RAI14: variants seen among roughly 807,000 people sequenced by gnomAD.
RAI14 encodes retinoic acid induced 14.
In RAI14, 45 loss-of-function variants were observed where a neutral mutation model predicts 115.4. The observed-to-expected ratio is 0.39, with a 90% confidence interval of 0.31 to 0.50. RAI14 has a LOEUF of 0.50. Among genes scored for constraint, RAI14 ranks in the 20% least tolerant of loss-of-function variants. RAI14 has a pLI of 0.85. For missense variants in RAI14, 939 were observed against 1,131.2 expected (o/e 0.83, Z 2.44); for synonymous variants, 371 against 415.4 (o/e 0.89, Z 1.30).
chr5:34,752,733 G>A (rs1210943713), intron 2 of RAI14, among the ~76,000 whole-genome samples: 16,455 of 99,394 alleles, frequency 0.17, 2,517 homozygotes, highest in African/African-American at 0.35. Flanking sequence ...GTGTGTGTGT[G>A]TGTGTGTGTG....
Position 34,823,489 on chromosome 5 carries a change from T to C in RAI14, c.1647T>C (p.Asn549=). The part of the protein sequence containing the change: ...LQNALEESER[N]KEKVRELEEK... ...ATGCATTAGAAGAAAGTGAAAGAAA[T>C]AAAGAGAAAGTGAGAGAGTTAGAGG... Residue 549 remains asparagine (N), a synonymous_variant, in exon 15 of 18, where the codon AAT becomes AAC. Transcript: ENST00000265109. The surrounding 1 kb of genome is among the most constrained non-coding windows in gnomAD (Gnocchi z 4.5). 1 of 1,613,268 alleles carries C rather than the reference T, an allele frequency of 6.2e-7. No individual in the cohort carries two copies. The highest frequency in any genetic ancestry group is 8.5e-7 in the Non-Finnish European group (1 of 1,179,844).
chr5:34,768,337 C>T (rs971899028), intron 3 of RAI14, among the ~76,000 whole-genome samples: 9 of 152,292 alleles, frequency 5.9e-5, no homozygotes, highest in African/African-American at 1.4e-4. Context: ...ATTGGGCTCT[C>T]GCCCTGATAA....
At chr5:34,745,963 T>C (rs2150058832) in intron 2 of RAI14, among the ~76,000 whole-genome samples, 1 of 152,188 alleles carries the variant, frequency 6.6e-6, no homozygotes, top group African/African-American at 2.4e-5. Flanking sequence ...CTCCTCTTCC[T>C]CTTTACTATT....
intron 6 of RAI14, among the ~76,000 whole-genome samples, 161 bp downstream of exon 6, chr5:34,808,018 T>G (rs1755133921): frequency 6.6e-6 from 1 of 152,222 alleles, no homozygotes; most frequent in African/African-American, 2.4e-5. Flanking sequence ...ATACACAGTT[T>G]TACCGAGGCA....
At chr5:34,817,272 CAAA>C (rs34084798) in intron 12 of RAI14, among the ~76,000 whole-genome samples, 2 of 97,182 alleles carry the variant, frequency 2.1e-5, no homozygotes, top group African/African-American at 4.1e-5. Context: ...CACTCCATCT[CAAA>C]AAAAAAAAAA....
chr5:34,668,164 C>T (rs772820094), intron 1 of RAI14, among the ~76,000 whole-genome samples: 9 of 152,064 alleles, frequency 5.9e-5, no homozygotes, highest in Non-Finnish European at 1.0e-4. Flanking sequence ...GAGGCTGAGG[C>T]AGGTGGATCA....
At chr5:34,669,439 A>G (rs1743467977) in intron 1 of RAI14, among the ~76,000 whole-genome samples, 1 of 152,214 alleles carries the variant, frequency 6.6e-6, no homozygotes, top group Non-Finnish European at 1.5e-5. Context: ...AACAAAGGGT[A>G]TTTGATTCTA....
intron 3 of RAI14, among the ~76,000 whole-genome samples, chr5:34,778,090 T>C (rs912870773): frequency 6.6e-6 from 1 of 152,242 alleles, no homozygotes; most frequent in African/African-American, 2.4e-5. Context: ...AATCTATGCA[T>C]GTAACAAATA....
At chr5:34,665,178 C>CATATATATATATATATAT (rs201354748) in intron 1 of RAI14, among the ~76,000 whole-genome samples, 41 of 7,082 alleles carry the variant, frequency 5.8e-3, no homozygotes, top group South Asian at 0.02. Flanking sequence ...TATATACACA[C>CATATATATATATATATAT]ATATATATAT....
Position 34,734,669 on chromosome 5 carries a change from C to CT in RAI14, c.37-22787dup, listed in dbSNP as rs1158861665. Among the ~76,000 whole-genome samples the CT allele has an allele frequency of 9.2e-3, 1,347 of 145,942 alleles. 9 individuals are homozygous for CT. Among genetic ancestry groups the CT allele is most frequent in the African/African-American group, 0.016 (624 of 40,142 alleles). On this transcript the variant is annotated intron_variant, in intron 2 of 17. Coordinates refer to ENST00000265109, the MANE Select transcript of RAI14 (RefSeq NM_015577.3). ...TTTGTGCATATCTCATTTATTCTTT[C>CT]TTTTTTTTTTTTGACAGAGTCTTGC...
chr5:34,661,855 A>G (rs456118), intron 1 of RAI14, among the ~76,000 whole-genome samples: 130,979 of 152,216 alleles, frequency 0.86, 56,450 homozygotes, highest in South Asian at 0.97. Context: ...TTGAGATGGG[A>G]TCTTGCTCTG....
intron 3 of RAI14, among the ~76,000 whole-genome samples, chr5:34,774,460 T>C (rs1361660855): frequency 6.6e-6 from 1 of 152,148 alleles, no homozygotes; most frequent in Non-Finnish European, 1.5e-5. Context: ...AGCATTTCTA[T>C]ATGCCAACAG....
rs1350827543 is a variant in RAI14 at position 34,823,225 on chromosome 5, C to A, written c.1383C>A (p.Ser461=). The change falls in exon 15 of 18, where the codon TCC becomes TCA. Residue 461 remains serine, a synonymous_variant. Coordinates refer to ENST00000265109, the MANE Select transcript of RAI14 (RefSeq NM_015577.3). The surrounding 1 kb of genome is among the most constrained non-coding windows in gnomAD (Gnocchi z 4.5). The part of the protein sequence containing the change: ...ERKQLQVELQ[S]RRAELVCLNN... ...AACAGCTACAGGTCGAACTCCAATCCCGAAGGGCAGAACTGGTATGCTTAA... is the reference window on the plus strand; with the variant it reads ...AACAGCTACAGGTCGAACTCCAATCACGAAGGGCAGAACTGGTATGCTTAA... The A allele has an allele frequency of 6.2e-7, 1 of 1,614,048 alleles. No homozygotes were observed. The highest frequency in any genetic ancestry group is 1.1e-5 in the South Asian group (1 of 91,080).
intron 3 of RAI14, among the ~76,000 whole-genome samples, chr5:34,774,210 C>T (rs1032613674): frequency 1.3e-4 from 19 of 151,372 alleles, no homozygotes; most frequent in Non-Finnish European, 2.1e-4. Context: ...AAAAAATAGC[C>T]AGACATTGTG....
chr5:34,775,922 A>G (rs1421064024), intron 3 of RAI14, among the ~76,000 whole-genome samples: 1 of 152,242 alleles, frequency 6.6e-6, no homozygotes, highest in African/African-American at 2.4e-5. Context: ...TGCTAGGTAT[A>G]TACCCAAAAG....
rs568842442 is a variant in RAI14, at chr5:34,661,546, A to G, written c.-49+5071A>G. 4.6e-5 allele frequency among the ~76,000 whole-genome samples: 7 copies of G among 152,256 alleles called. No homozygotes were observed. In the South Asian group the frequency reaches 1.5e-3, roughly 32 times the overall value. ...AGATTCCTTCAGGGTAAGAAAACTT[A>G]TGTCTTCTAGGGAAACCACTCCTTT... On this transcript the variant is annotated intron_variant, in intron 1 of 17. Coordinates refer to ENST00000265109, the MANE Select transcript of RAI14 (RefSeq NM_015577.3).
intron 4 of RAI14, among the ~76,000 whole-genome samples, chr5:34,799,493 GAC>G (rs780186006): frequency 0.033 from 4,093 of 124,006 alleles, 129 homozygotes; most frequent in African/African-American, 0.082. Flanking sequence ...CACACACACA[GAC>G]ACACACACAC....
intron 1 of RAI14, among the ~76,000 whole-genome samples, chr5:34,685,254 A>G (rs1014164489): frequency 6.6e-6 from 1 of 152,158 alleles, no homozygotes; most frequent in African/African-American, 2.4e-5. Context: ...AAGTCTATAC[A>G]TGTTTTAGCA....
At chr5:34,665,189 G>A (rs4703473) in intron 1 of RAI14, among the ~76,000 whole-genome samples, 14,983 of 17,812 alleles carry the variant, frequency 0.84, 6,297 homozygotes, top group East Asian at 0.87. Flanking sequence ...ATATATATAT[G>A]TATATATATA....
Sources: gnomAD v4.1 joint callset for allele counts (sites outside exome capture counted in the v4.1 genomes callset) on GRCh38, gnomAD v4.1.1 for gene constraint, Gnocchi (gnomAD v3.1) non-coding constraint, MANE v1.5 for transcripts, NCBI Gene and HGNC (gene_info 2026-07-23, HGNC 2026-07-21) for gene names.